Variants in ERC2 observed in about 807,000 individuals in gnomAD.
ERC2 encodes the protein ERC protein 2.
In ERC2, 42 loss-of-function variants were observed where a neutral mutation model predicts 114.8. That is an observed-to-expected ratio of 0.37 (90% CI 0.29 to 0.47). The LOEUF (loss-of-function observed/expected upper bound fraction) is 0.47. Among genes scored for constraint, ERC2 ranks in the 20% least tolerant of loss-of-function variants. The pLI is 0.99. For missense variants in ERC2, 939 were observed against 1,150.7 expected (o/e 0.82, Z 2.66); for synonymous variants, 454 against 425.5 (o/e 1.07, Z -0.82).
In ERC2 at chr3:55,977,876, A is replaced by G. The variant is rs1356361403; in HGVS notation, c.2267+8101T>C. On this transcript the variant is annotated intron_variant, in intron 12 of 17. Transcript: ENST00000288221. ...TAAATAGTATGCAGAGGTGAAAAAG[A>G]GTAGAAAGCCTTTAGGTATAGATAT... Among the ~76,000 whole-genome samples the G allele has an allele frequency of 4.6e-5, 7 of 152,348 alleles. No individual in the cohort carries two copies. In the South Asian group the frequency reaches 8.3e-4, roughly 18 times the overall value.
Position 56,105,564 on chromosome 3 carries a change from C to T in ERC2, c.1474-24580G>A, listed in dbSNP as rs756957075. Among the ~76,000 whole-genome samples the T allele has an allele frequency of 3.9e-5, 6 of 152,158 alleles. No individual in the cohort carries two copies. In the East Asian group the frequency reaches 7.7e-4, roughly 20 times the overall value. ...CTCCTGGCCTCAAGCAATCCTCCCA[C>T]GTCAACTTTCCAAAGTGTTGGGATT... On this transcript the variant is annotated intron_variant, in intron 6 of 17. Coordinates refer to ENST00000288221, the MANE Select transcript of ERC2 (RefSeq NM_015576.3).
intron 2 of ERC2, among the ~76,000 whole-genome samples, chr3:56,370,610 T>TTTTG: frequency 6.6e-6 from 1 of 150,692 alleles, no homozygotes; most frequent in African/African-American, 2.4e-5. Context: ...TTTTTTTTTT[T>TTTTG]TTGAGACAGA....
At chr3:55,880,989 C>T (rs764078733) in intron 14 of ERC2, among the ~76,000 whole-genome samples, 12 of 152,026 alleles carry the variant, frequency 7.9e-5, no homozygotes, top group Non-Finnish European at 1.5e-4. Flanking sequence ...GCTAGCACAA[C>T]CCTCTTGTTT....
intron 17 of ERC2, among the ~76,000 whole-genome samples, chr3:55,514,404 T>C (rs918474754): frequency 1.2e-4 from 18 of 152,208 alleles, no homozygotes; most frequent in African/African-American, 4.1e-4. Flanking sequence ...ACTCCAGCCG[T>C]GATTGTGCCA....
intron 17 of ERC2, among the ~76,000 whole-genome samples, chr3:55,671,355 T>C (rs934269827): frequency 5.3e-5 from 8 of 152,220 alleles, no homozygotes; most frequent in African/African-American, 9.6e-5. Context: ...TTTCTTGTTA[T>C]ATAAACATCT....
chr3:55,583,540 CCTTT>C (rs1283658452), intron 17 of ERC2, among the ~76,000 whole-genome samples: 923 of 38,012 alleles, frequency 0.024, 71 homozygotes, highest in South Asian at 0.034. Context: ...TTCCTTCCTT[CCTTT>C]CTTCCTTCCT....
intron 17 of ERC2, among the ~76,000 whole-genome samples, chr3:55,524,175 C>G (rs2053151951): frequency 6.6e-6 from 1 of 152,194 alleles, no homozygotes; most frequent in Admixed American, 6.5e-5. Flanking sequence ...ATTATCTCCC[C>G]CTCTATACTC....
chr3:56,267,910 T>C (rs1287360272), intron 3 of ERC2, among the ~76,000 whole-genome samples: 3 of 152,246 alleles, frequency 2.0e-5, no homozygotes, highest in African/African-American at 4.8e-5. Context: ...TATTATTAAC[T>C]ATAGTTTTAT....
At chr3:56,009,261 A>G (rs13090063) in intron 9 of ERC2, among the ~76,000 whole-genome samples, 2 of 152,186 alleles carry the variant, frequency 1.3e-5, no homozygotes, top group South Asian at 4.1e-4. Context: ...TGTCGCATAC[A>G]AACAACAGTC....
intron 3 of ERC2, among the ~76,000 whole-genome samples, chr3:56,241,620 A>G (rs2051327342): frequency 6.6e-6 from 1 of 152,240 alleles, no homozygotes; most frequent in South Asian, 2.1e-4. Context: ...TCATAGAGAT[A>G]AGATCATAGA....
chr3:55,932,113 C>T (rs2066130816), intron 13 of ERC2, among the ~76,000 whole-genome samples: 1 of 152,068 alleles, frequency 6.6e-6, no homozygotes, highest in South Asian at 2.1e-4. Flanking sequence ...ATTTGCTTGT[C>T]TCTATTCATG....
At chr3:55,675,025 CAT>C (rs2148749092) in intron 17 of ERC2, among the ~76,000 whole-genome samples, 1 of 152,276 alleles carries the variant, frequency 6.6e-6, no homozygotes, top group South Asian at 2.1e-4. Context: ...GCAAGGCATG[CAT>C]GGACCCATGT....
chr3:55,782,587 T>C (rs2069144419), intron 14 of ERC2, among the ~76,000 whole-genome samples: 1 of 152,182 alleles, frequency 6.6e-6, no homozygotes, highest in Non-Finnish European at 1.5e-5. Context: ...TTCCAAGAAG[T>C]ATTTTAAGTG....
At chr3:56,466,107 G>T (rs1352765) in intron 1 of ERC2, among the ~76,000 whole-genome samples, 49,299 of 152,148 alleles carry the variant, frequency 0.32, 8,251 homozygotes, top group Middle Eastern at 0.42. Context: ...GCTCCACAAG[G>T]TTTAAAAAAG....
At chr3:55,585,646 TG>T (rs1230643090) in intron 17 of ERC2, among the ~76,000 whole-genome samples, 1 of 152,224 alleles carries the variant, frequency 6.6e-6, no homozygotes, top group African/African-American at 2.4e-5. Flanking sequence ...GAGAGCTCTT[TG>T]GGGGGACCCT....
intron 2 of ERC2, among the ~76,000 whole-genome samples, chr3:56,350,286 C>G (rs928679386): frequency 6.6e-6 from 1 of 152,218 alleles, no homozygotes; most frequent in Non-Finnish European, 1.5e-5. Flanking sequence ...ACAATAGAAG[C>G]TGGCCTATCT....
chr3:55,627,508 T>A (rs931111654), intron 17 of ERC2, among the ~76,000 whole-genome samples: 1 of 152,092 alleles, frequency 6.6e-6, no homozygotes, highest in Non-Finnish European at 1.5e-5. Flanking sequence ...AATTTCTTTT[T>A]TCTCTGGGTC....
intron 4 of ERC2, among the ~76,000 whole-genome samples, chr3:56,154,177 C>T (rs768300591): frequency 3.3e-5 from 5 of 151,964 alleles, no homozygotes; most frequent in Non-Finnish European, 5.9e-5. Context: ...GTGGGATGAC[C>T]GTGGTTATAT....
rs796187386 is a variant in ERC2 at position 55,888,671 on chromosome 3, T to C, written c.2404-122A>G. On this transcript the variant is annotated intron_variant, in intron 13 of 17. Transcript: ENST00000288221. ...CACAGGGATCCTTGAACTGGGCCGC[T>C]GTGTCTTGGAGCCCTTTCTTTCTTT... is the stretch of plus-strand genomic sequence containing the variant. 4.6e-5 allele frequency: 55 copies of C among 1,194,214 alleles called. No individual in the cohort carries two copies. In the African/African-American group the frequency reaches 6.4e-4, roughly 14 times the overall value. 74.0% of individuals were successfully genotyped at this position (1,194,214 alleles called of 1,614,324 possible). A position where few individuals can be genotyped will look rare whatever the true frequency, so the allele number is the denominator to read the frequency against.
Sources: gnomAD v4.1 joint callset for allele counts (sites outside exome capture counted in the v4.1 genomes callset) on GRCh38, gnomAD v4.1.1 for gene constraint, MANE v1.5 for transcripts, NCBI Gene and HGNC (gene_info 2026-07-23, HGNC 2026-07-21) for gene names.